Variants in MAGI1 observed in about 807,000 individuals in gnomAD.
MAGI1 encodes membrane-associated guanylate kinase, WW and PDZ domain-containing protein 1.
In MAGI1, 58 loss-of-function variants were observed where a neutral mutation model predicts 139.9. The ratio of observed to expected loss-of-function variants is 0.41; its 90% CI spans 0.34 to 0.52. The LOEUF (loss-of-function observed/expected upper bound fraction) is 0.52, where lower values mean the gene tolerates loss of function less well. Ranked by LOEUF, MAGI1 falls within the 20% of genes least tolerant of loss-of-function variation. The pLI, the probability that MAGI1 is intolerant of heterozygous loss-of-function variation, is 0.12. For missense variants in MAGI1, 1,874 were observed against 1,901.6 expected (o/e 0.99, Z 0.27); for synonymous variants, 812 against 737.9 (o/e 1.10, Z -1.63).
At chr3:65,542,775 A>T (rs2079300118) in intron 2 of MAGI1, among the ~76,000 whole-genome samples, 1 of 152,192 alleles carries the variant, frequency 6.6e-6, no homozygotes. Flanking sequence ...AGACTTAAAC[A>T]TAAGACCTAA....
At chr3:65,484,599 G>A (rs1268207085) in intron 3 of MAGI1, among the ~76,000 whole-genome samples, 1 of 152,052 alleles carries the variant, frequency 6.6e-6, no homozygotes, top group African/African-American at 2.4e-5. Context: ...TGAGTGGTCT[G>A]CCCCATGCCC....
chr3:65,875,152 C>T (rs1302671638), intron 1 of MAGI1: 2 of 152,522 alleles, frequency 1.3e-5, no homozygotes, highest in African/African-American at 2.4e-5. Context: ...CACAAAAGAC[C>T]TCACACAGCA....
Position 65,384,409 on chromosome 3 carries a change from T to C in MAGI1, c.2417-786A>G, listed in dbSNP as rs536316492. ...CACAACTATTTACATGGCATTTGCA[T>C]TGTATTAGATGTCATAAGTAATGTA... On this transcript the variant is annotated intron_variant, in intron 14 of 22. Coordinates refer to ENST00000402939, the MANE Select transcript of MAGI1 (RefSeq NM_001033057.2). 5.3e-4 allele frequency among the ~76,000 whole-genome samples: 81 copies of C among 152,270 alleles called. 1 individual carries two copies. Among genetic ancestry groups the C allele is most frequent in the Middle Eastern group, 3.4e-3 (1 of 294 alleles).
intron 1 of MAGI1, among the ~76,000 whole-genome samples, chr3:65,817,776 A>C (rs1473339882): frequency 6.6e-6 from 1 of 152,194 alleles, no homozygotes; most frequent in Non-Finnish European, 1.5e-5. Context: ...GGCCTCAGTA[A>C]ACACCACTTT....
At chr3:65,634,901 A>C (rs1264501800) in intron 1 of MAGI1, among the ~76,000 whole-genome samples, 1 of 152,186 alleles carries the variant, frequency 6.6e-6, no homozygotes, top group Non-Finnish European at 1.5e-5. Flanking sequence ...ATGAGTTATC[A>C]TGATATCTGT....
chr3:65,615,700 G>C (rs79096183), intron 2 of MAGI1, among the ~76,000 whole-genome samples: 8 of 152,254 alleles, frequency 5.3e-5, no homozygotes, highest in Non-Finnish European at 1.0e-4. Context: ...ATAAAAATGT[G>C]TTTACACTTA....
chr3:65,700,522 T>A (rs1409555323), intron 1 of MAGI1, among the ~76,000 whole-genome samples: 1 of 152,170 alleles, frequency 6.6e-6, no homozygotes, highest in Non-Finnish European at 1.5e-5. Context: ...AAATTATAAT[T>A]TTGAATAGTA....
intron 1 of MAGI1, among the ~76,000 whole-genome samples, chr3:65,634,557 T>C (rs1223388951): frequency 6.6e-6 from 1 of 152,228 alleles, no homozygotes; most frequent in East Asian, 1.9e-4. Context: ...CTCAGTTCCC[T>C]AATCTATCAG....
At chr3:65,541,461 A>C (rs1025381458) in intron 2 of MAGI1, among the ~76,000 whole-genome samples, 3 of 152,196 alleles carry the variant, frequency 2.0e-5, no homozygotes, top group Non-Finnish European at 4.4e-5. Context: ...TGGCAGAGAC[A>C]AAACAAAAAA....
chr3:65,521,119 G>T (rs1031346124), intron 2 of MAGI1, among the ~76,000 whole-genome samples: 3 of 152,124 alleles, frequency 2.0e-5, no homozygotes, highest in African/African-American at 7.2e-5. Flanking sequence ...ACAGTGGAAG[G>T]CACTTCAAAC....
intron 1 of MAGI1, among the ~76,000 whole-genome samples, chr3:65,942,740 A>C (rs1437884549): frequency 1.3e-5 from 2 of 152,222 alleles, no homozygotes; most frequent in African/African-American, 2.4e-5. Flanking sequence ...AAATGCGACC[A>C]GGTGCGGTGG....
intron 1 of MAGI1, among the ~76,000 whole-genome samples, chr3:65,765,540 T>C (rs1019176871): frequency 1.3e-5 from 2 of 152,096 alleles, no homozygotes; most frequent in African/African-American, 4.8e-5. Context: ...AGCTAGAGAG[T>C]TGGAAGAGTC....
intron 17 of MAGI1, 199 bp downstream of exon 17, chr3:65,379,062 G>A: frequency 9.0e-7 from 1 of 1,107,180 alleles, no homozygotes; most frequent in South Asian, 1.5e-5. Flanking sequence ...AAGTTGAAAG[G>A]GTTGAACAAA....
intron 1 of MAGI1, among the ~76,000 whole-genome samples, chr3:65,969,756 G>A (rs778686611): frequency 6.6e-6 from 1 of 152,196 alleles, no homozygotes; most frequent in Admixed American, 6.6e-5. Flanking sequence ...GCAGCCACTA[G>A]CCATATGGGG....
intron 1 of MAGI1, among the ~76,000 whole-genome samples, chr3:65,798,246 G>A (rs745899259): frequency 2.5e-4 from 38 of 151,878 alleles, no homozygotes; most frequent in Non-Finnish European, 4.7e-4. Context: ...GGAGCTTGCC[G>A]TGAGCCGAGA....
At chr3:65,886,962 C>G (rs1430438135) in intron 1 of MAGI1, among the ~76,000 whole-genome samples, 1 of 152,164 alleles carries the variant, frequency 6.6e-6, no homozygotes, top group African/African-American at 2.4e-5. Context: ...ACACCACTGT[C>G]ATTTCTTAAT....
chr3:65,497,487 T>C (rs1952541007), intron 2 of MAGI1, among the ~76,000 whole-genome samples: 1 of 152,144 alleles, frequency 6.6e-6, no homozygotes, highest in Admixed American at 6.5e-5. Context: ...TCTTTGAAAC[T>C]TGCTGTGAAA....
At chr3:65,832,986 T>C (rs2042607201) in intron 1 of MAGI1, among the ~76,000 whole-genome samples, 1 of 152,218 alleles carries the variant, frequency 6.6e-6, no homozygotes, top group African/African-American at 2.4e-5. Flanking sequence ...AATTCTACAA[T>C]GGTGCAATTA....
chr3:65,372,387 A>G (rs981797775), intron 18 of MAGI1, among the ~76,000 whole-genome samples: 1 of 152,212 alleles, frequency 6.6e-6, no homozygotes, highest in Non-Finnish European at 1.5e-5. Flanking sequence ...TCAATAAACC[A>G]CAGCACAACA....
Sources: gnomAD v4.1 joint callset for allele counts (sites outside exome capture counted in the v4.1 genomes callset) on GRCh38, gnomAD v4.1.1 for gene constraint, MANE v1.5 for transcripts, NCBI Gene and HGNC (gene_info 2026-07-23, HGNC 2026-07-21) for gene names.